The following FRG1 variants were observed in gnomAD, a reference collection of about 807,000 sequenced individuals.
FRG1 encodes the protein FSHD region gene 1, also known as protein FRG1.
In FRG1, 19 loss-of-function variants were observed where a neutral mutation model predicts 37.0. The ratio of observed to expected loss-of-function variants is 0.51; its 90% confidence interval spans 0.36 to 0.75. The LOEUF (loss-of-function observed/expected upper bound fraction) is 0.75. Ranked by LOEUF, FRG1 falls within the 30% of genes least tolerant of loss-of-function variation. FRG1 has a pLI of 0.00. For missense variants in FRG1, 243 were observed against 301.4 expected, an observed-to-expected ratio of 0.81 and a Z score of 1.44; for synonymous variants, 73 against 96.5, an observed-to-expected ratio of 0.76 and a Z score of 1.43.
chr4:189,943,114 G>A (rs908394443), intron 1 of FRG1, 88 bp from the exon 2 acceptor site: 1 of 1,378,852 alleles, frequency 7.3e-7, no homozygotes, highest in Admixed American at 2.3e-5. Flanking sequence ...AAATGAAACA[G>A]CTTAAAAGAC....
Position 189,941,030 on chromosome 4 carries a change from G to A in FRG1, c.21G>A (p.Val7=). MAEYSY[V]KSTKLVLKGT... ...GAGCCATGGCCGAGTACTCCTACGT[G>A]AAGTCTACCAAGCTCGTGCTCAAGG... The change falls in exon 1 of 9, where the codon GTG becomes GTA. Residue 7 remains valine, a synonymous_variant. Transcript: ENST00000226798. The A allele has an allele frequency of 1.9e-6, 3 of 1,614,116 alleles. No homozygotes were observed. The highest frequency in any genetic ancestry group is 2.5e-6 in the Non-Finnish European group (3 of 1,179,960).
At chr4:189,943,385 C>G in intron 2 of FRG1, 113 bp downstream of exon 2, 1 of 1,177,814 alleles carries the variant, frequency 8.5e-7, no homozygotes, top group Non-Finnish European at 1.2e-6. Context: ...TCTTAAAGTG[C>G]TTAAATATTA....
Position 189,940,899 on chromosome 4 carries a change from G to A in FRG1, c.-111G>A. On this transcript the variant is annotated 5_prime_UTR_variant, in exon 1 of 9. Coordinates refer to ENST00000226798, the MANE Select transcript of FRG1 (RefSeq NM_004477.3). ...GTTCTACAGAGACGTAGGCTGTCAGGGAGTGTTTATTTCGCGTCCGCTTCT... is the reference window on the plus strand; with the variant it reads ...GTTCTACAGAGACGTAGGCTGTCAGAGAGTGTTTATTTCGCGTCCGCTTCT... 2 of 752,908 alleles carry A rather than the reference G, an allele frequency of 2.7e-6. No homozygotes were observed. The highest frequency in any genetic ancestry group is 4.6e-6 in the Non-Finnish European group (2 of 439,066). The allele number at this position is 752,908 out of a possible 1,614,324, so 46.6% of individuals were successfully genotyped here. A position where few individuals can be genotyped will look rare whatever the true frequency, so the allele number is the denominator to read the frequency against.
chr4:189,946,526 T>C (rs1260344106), intron 2 of FRG1, among the ~76,000 whole-genome samples: 1 of 152,152 alleles, frequency 6.6e-6, no homozygotes, highest in African/African-American at 2.4e-5. Flanking sequence ...CAGTTTACTT[T>C]GCTCTTGTTT....
intron 2 of FRG1, among the ~76,000 whole-genome samples, chr4:189,946,489 A>AT (rs1349670073): frequency 1.3e-5 from 2 of 150,650 alleles, no homozygotes; most frequent in South Asian, 4.2e-4. Context: ...TCAGTCTTTT[A>AT]TTTTTTTCCT....
Position 189,941,040 on chromosome 4 carries a change from A to C in FRG1, c.31A>C (p.Lys11Gln). MAEYSYVKST[K>Q]LVLKGTKTKS... is the part of the protein sequence containing the mutation. ...CGAGTACTCCTACGTGAAGTCTACC[A>C]AGCTCGTGCTCAAGGGAACCAAGAC... Residue 11 changes from lysine to glutamine, a missense_variant, in exon 1 of 9, where the codon AAG (lysine) becomes CAG (glutamine). Transcript: ENST00000226798. 3 of 1,614,106 alleles carry C rather than the reference A, an allele frequency of 1.9e-6. No homozygotes were observed. The highest frequency in any genetic ancestry group is 2.5e-6 in the Non-Finnish European group (3 of 1,179,954).
chr4:189,954,236 T>A (rs1736883731), intron 4 of FRG1, among the ~76,000 whole-genome samples: 1 of 151,928 alleles, frequency 6.6e-6, no homozygotes, highest in Admixed American at 6.5e-5. Context: ...CAAAACATAC[T>A]CTGTTAATTT....
At position 189,945,283 on chromosome 4, in the gene FRG1, C is replaced by A. The variant is rs952987165; in HGVS notation, c.133+2011C>A. Among the ~76,000 whole-genome samples, 26 of 152,202 alleles carry A rather than the reference C, an allele frequency of 1.7e-4. 1 individual carries two copies. The highest frequency in any genetic ancestry group is 3.7e-4 in the Non-Finnish European group (25 of 68,032). On this transcript the variant is annotated intron_variant, in intron 2 of 8. Coordinates refer to ENST00000226798, the MANE Select transcript of FRG1 (RefSeq NM_004477.3). ...TGGTTTATTATACTGTCCAGGACTT[C>A]TATAGCATTGAACAGAAGTCATGAG...
In FRG1 at chr4:189,952,230, AC is replaced by A; in HGVS notation, c.204del (p.Tyr69IlefsTer41). On this transcript the variant is annotated frameshift_variant, in exon 3 of 9. Coordinates refer to ENST00000226798, the MANE Select transcript of FRG1 (RefSeq NM_004477.3). LOFTEE classifies it high-confidence loss of function. ...CATAGCCATTGAAATGGATAAGGGA[AC>A]CTATATACATGCACTCGACAATGGT... ...GTIAIEMDKG[T>X]YIHALDNGLF... 6.2e-7 allele frequency: 1 copy of A among 1,608,508 alleles called. No homozygotes were observed. Among genetic ancestry groups the A allele is most frequent in the South Asian group, 1.1e-5 (1 of 90,752 alleles).
intron 2 of FRG1, among the ~76,000 whole-genome samples, chr4:189,945,370 G>A (rs1736480748): frequency 6.6e-6 from 1 of 152,188 alleles, no homozygotes; most frequent in Admixed American, 6.5e-5. Context: ...CCACCATATG[G>A]TATGACGTCT....
intron 6 of FRG1, among the ~76,000 whole-genome samples, chr4:189,958,780 A>G (rs1260152637): frequency 7.2e-6 from 1 of 138,276 alleles, no homozygotes; most frequent in Non-Finnish European, 1.6e-5. Flanking sequence ...TTTAAGGCTT[A>G]ATTTTTTAGA....
chr4:189,942,160 C>T (rs1244439009), intron 1 of FRG1, among the ~76,000 whole-genome samples: 2 of 152,160 alleles, frequency 1.3e-5, no homozygotes, highest in Non-Finnish European at 2.9e-5. Flanking sequence ...TGTCAATGTG[C>T]CAAGAAATTG....
intron 1 of FRG1, chr4:189,941,954 A>T (rs1736327665): frequency 2.8e-6 from 1 of 362,972 alleles, no homozygotes; most frequent in African/African-American, 2.2e-5. Flanking sequence ...ACTGGCCTTG[A>T]GAACCCTCTC....
intron 2 of FRG1, among the ~76,000 whole-genome samples, chr4:189,949,270 T>C (rs558917901): frequency 6.6e-6 from 1 of 152,324 alleles, no homozygotes; most frequent in African/African-American, 2.4e-5. Flanking sequence ...AGTGGCACCA[T>C]TAAGTATTAT....
At chr4:189,944,781 A>G (rs1736457905) in intron 2 of FRG1, among the ~76,000 whole-genome samples, 1 of 152,032 alleles carries the variant, frequency 6.6e-6, no homozygotes. Flanking sequence ...CTGTTGGTAT[A>G]TTTCTCTTGA....
rs2126796921 is a variant in FRG1, at chr4:189,943,192, T to C, written c.63-10T>C. ...TACCTAAACTCGTCTATATAAATTA[T>C]GTCCTGTAGTAAGAAGAAAAAGAGC... On this transcript the variant is annotated splice_polypyrimidine_tract_variant and intron_variant, in intron 1 of 8. Transcript: ENST00000226798. 6.4e-7 allele frequency: 1 copy of C among 1,567,966 alleles called. No homozygotes were observed. Among genetic ancestry groups the C allele is most frequent in the Non-Finnish European group, 8.7e-7 (1 of 1,149,004 alleles).
intron 1 of FRG1, among the ~76,000 whole-genome samples, chr4:189,941,465 TTCTAA>T (rs981830222): frequency 2.0e-5 from 3 of 152,214 alleles, no homozygotes; most frequent in Non-Finnish European, 2.9e-5. Flanking sequence ...TATTAATTTT[TTCTAA>T]TCTAATATGT....
intron 7 of FRG1, 194 bp from the exon 8 acceptor site, chr4:189,961,628 G>A: frequency 5.0e-6 from 2 of 396,704 alleles, no homozygotes; most frequent in Non-Finnish European, 9.1e-6. Flanking sequence ...GGCTGTTCTC[G>A]AACTCCTGAC....
At chr4:189,960,976 G>A (rs1323157636) in intron 7 of FRG1, 137 bp downstream of exon 7, 3 of 968,388 alleles carry the variant, frequency 3.1e-6, no homozygotes, top group African/African-American at 3.3e-5. Flanking sequence ...GCTGAGACAG[G>A]AGGATTGTTT....
Sources: allele counts gnomAD v4.1 joint callset (sites outside exome capture counted in the v4.1 genomes callset), GRCh38; gene constraint gnomAD v4.1.1; transcripts MANE v1.5; gene names NCBI Gene and HGNC (gene_info 2026-07-23, HGNC 2026-07-21).